The following NBAS variants were observed in gnomAD, a reference collection of about 807,000 sequenced individuals.
NBAS encodes NBAS subunit of NRZ tethering complex.
Under a neutral mutation model 302.5 loss-of-function variants are expected in NBAS, and 219 were observed. The ratio of observed to expected loss-of-function variants is 0.72; its 90% CI spans 0.65 to 0.81. The LOEUF is 0.81. Ranked by LOEUF, NBAS falls within the 30% of genes least tolerant of loss-of-function variation. The pLI, the probability that NBAS is intolerant of heterozygous loss-of-function variation, is 0.00. For missense variants in NBAS, 2,932 were observed against 2,841.6 expected (o/e 1.03, Z -0.72); for synonymous variants, 1,118 against 1,021.6 (o/e 1.09, Z -1.80).
At chr2:15,381,172 C>T (rs1330171447) in intron 29 of NBAS, among the ~76,000 whole-genome samples, 1 of 152,118 alleles carries the variant, frequency 6.6e-6, no homozygotes, top group Non-Finnish European at 1.5e-5. Context: ...ATACATTCAC[C>T]CTCAAACTTG....
chr2:14,856,097 C>T, the NBAS span, among the ~76,000 whole-genome samples: 1 of 152,036 alleles, frequency 6.6e-6, no homozygotes, highest in Admixed American at 6.6e-5. Flanking sequence ...GAGAGAGAGA[C>T]CCCAAACATT....
chr2:14,794,909 C>T, the NBAS span, among the ~76,000 whole-genome samples: 11 of 152,204 alleles, frequency 7.2e-5, no homozygotes, highest in African/African-American at 2.6e-4. Context: ...TGAGATACAC[C>T]TATGTTGTTG....
chr2:15,199,637 C>T (rs1175463415), intron 48 of NBAS, among the ~76,000 whole-genome samples: 1 of 152,016 alleles, frequency 6.6e-6, no homozygotes, highest in Non-Finnish European at 1.5e-5. Context: ...TAATACATGG[C>T]TTTCAAAAAG....
intron 51 of NBAS, among the ~76,000 whole-genome samples, chr2:15,174,077 G>T (rs966790245): frequency 1.3e-5 from 2 of 152,250 alleles, no homozygotes; most frequent in Non-Finnish European, 2.9e-5. Flanking sequence ...GCCTATTGCT[G>T]GACGCATCCA....
the NBAS span, among the ~76,000 whole-genome samples, chr2:14,852,767 G>A: frequency 4.1e-5 from 6 of 147,378 alleles, no homozygotes; most frequent in South Asian, 2.2e-4. Flanking sequence ...AAATAATGCC[G>A]CATACCTACA....
the NBAS span, among the ~76,000 whole-genome samples, chr2:14,924,072 C>G: frequency 6.6e-6 from 1 of 152,154 alleles, no homozygotes; most frequent in Non-Finnish European, 1.5e-5. Context: ...ATACATCTGC[C>G]ACCACATCTT....
the NBAS span, among the ~76,000 whole-genome samples, chr2:14,957,854 C>T: frequency 1.4e-4 from 21 of 152,220 alleles, no homozygotes; most frequent in African/African-American, 4.3e-4. Context: ...ATACCTGTTA[C>T]TTCATTTCCT....
the NBAS span, among the ~76,000 whole-genome samples, chr2:14,912,405 T>C: frequency 1.3e-5 from 2 of 152,146 alleles, no homozygotes; most frequent in African/African-American, 4.8e-5. Context: ...AATTTCACCC[T>C]TCATTACCTC....
intron 5 of NBAS, 27 bp downstream of exon 5, chr2:15,553,399 T>A (rs554682744): frequency 1.7e-5 from 27 of 1,575,548 alleles, no homozygotes; most frequent in Admixed American, 3.3e-5. Flanking sequence ...AAAGGAAATC[T>A]TGAATATGAA....
intron 50 of NBAS, among the ~76,000 whole-genome samples, chr2:15,185,993 C>T (rs1356017911): frequency 2.6e-5 from 4 of 151,646 alleles, no homozygotes; most frequent in South Asian, 2.1e-4. Flanking sequence ...AATAATATAC[C>T]GCTGAGGTGG....
chr2:15,390,304 C>A (rs1447096397), intron 28 of NBAS, among the ~76,000 whole-genome samples: 1 of 152,032 alleles, frequency 6.6e-6, no homozygotes, highest in Non-Finnish European at 1.5e-5. Context: ...AACCATGTCC[C>A]AGAAAAAAGT....
At chr2:15,265,766 G>A (rs1438176214) in intron 44 of NBAS, among the ~76,000 whole-genome samples, 2 of 152,152 alleles carry the variant, frequency 1.3e-5, no homozygotes, top group East Asian at 1.9e-4. Context: ...GAATTGGAAA[G>A]GGAAGATTCT....
chr2:14,897,985 G>C, the NBAS span, among the ~76,000 whole-genome samples: 1 of 152,154 alleles, frequency 6.6e-6, no homozygotes, highest in Non-Finnish European at 1.5e-5. Flanking sequence ...GCAATGCTGA[G>C]GAGGGTCCCA....
chr2:14,785,670 C>A, the NBAS span, among the ~76,000 whole-genome samples: 1 of 152,090 alleles, frequency 6.6e-6, no homozygotes, highest in Admixed American at 6.5e-5. Context: ...GGGATGAAGC[C>A]CACTTGATCA....
At chr2:15,015,303 C>CAAAACAA in the NBAS span, among the ~76,000 whole-genome samples, 91 of 151,946 alleles carry the variant, frequency 6.0e-4, 1 homozygote, top group African/African-American at 2.1e-3. Context: ...ACTCTAATAC[C>CAAAACAA]AAAACAAAAA....
At chr2:15,323,908 T>TG (rs1671941711) in intron 38 of NBAS, among the ~76,000 whole-genome samples, 1 of 92,278 alleles carries the variant, frequency 1.1e-5, no homozygotes, top group African/African-American at 5.7e-5. Flanking sequence ...CCACAGTTTC[T>TG]GAAAAAAAAA....
At chr2:15,394,054 G>C (rs757595566) in intron 28 of NBAS, among the ~76,000 whole-genome samples, 173 bp downstream of exon 28, 1 of 152,040 alleles carries the variant, frequency 6.6e-6, no homozygotes, top group Non-Finnish European at 1.5e-5. Flanking sequence ...TAATCATAAT[G>C]ATGGTTTCCC....
chr2:14,932,191 C>T, the NBAS span, among the ~76,000 whole-genome samples: 3 of 152,184 alleles, frequency 2.0e-5, no homozygotes, highest in Non-Finnish European at 4.4e-5. Context: ...TTATCCCCTA[C>T]CCATGAATTC....
At chr2:14,888,083 G>A in the NBAS span, among the ~76,000 whole-genome samples, 3 of 152,234 alleles carry the variant, frequency 2.0e-5, no homozygotes, top group East Asian at 5.8e-4. Context: ...AGTAGAGAAA[G>A]AGTCTGAAAC....
Sources: gnomAD v4.1 joint callset for allele counts (sites outside exome capture counted in the v4.1 genomes callset) on GRCh38, gnomAD v4.1.1 for gene constraint, MANE v1.5 for transcripts, NCBI Gene and HGNC (gene_info 2026-07-23, HGNC 2026-07-21) for gene names.